Variants in PPFIA2 observed in about 807,000 individuals in gnomAD.
PPFIA2 encodes the protein liprin-alpha-2.
In PPFIA2, 46 loss-of-function variants were observed where a neutral mutation model predicts 175.5. The observed-to-expected ratio is 0.26, with a 90% confidence interval of 0.21 to 0.34. The LOEUF (loss-of-function observed/expected upper bound fraction) is 0.34, where lower values mean the gene tolerates loss of function less well. PPFIA2 is among the 10% of genes least tolerant of loss of function. PPFIA2 has a pLI of 1.00. For synonymous variants in PPFIA2, 568 were observed against 511.4 expected, an observed-to-expected ratio of 1.11 and a Z score of -1.49; for missense variants, 1,179 against 1,506.1, an observed-to-expected ratio of 0.78 and a Z score of 3.60.
At position 81,362,701 on chromosome 12, in the gene PPFIA2, T is replaced by G; in HGVS notation, c.1629A>C (p.Thr543=). The change falls in exon 15 of 33, where the codon ACA becomes ACC. Residue 543 remains threonine (T), a synonymous_variant. Transcript: ENST00000549396. ...TTTTAGTTTAATGTTACCTTGGTAT[T>G]GTGGGTTCAATTAAAGAGCCAGTTC... ...KMRTGSLIEP[T]IPRTHLDTSA... 1.9e-6 allele frequency: 3 copies of G among 1,542,842 alleles called. No individual in the cohort carries two copies. The highest frequency in any genetic ancestry group is 2.6e-6 in the Non-Finnish European group (3 of 1,139,794).
intron 4 of PPFIA2, among the ~76,000 whole-genome samples, chr12:81,623,500 G>A (rs2062315689): frequency 6.6e-6 from 1 of 151,974 alleles, no homozygotes; most frequent in African/African-American, 2.4e-5. Flanking sequence ...ACTGAAAGAT[G>A]TATCACTAGT....
intron 4 of PPFIA2, chr12:81,512,530 A>T: frequency 5.4e-6 from 2 of 370,452 alleles, no homozygotes; most frequent in East Asian, 9.2e-5. Context: ...TAATTTCTAA[A>T]CTTTTTATTG....
At chr12:81,422,275 CTA>C (rs2046416428) in intron 7 of PPFIA2, among the ~76,000 whole-genome samples, 1 of 151,420 alleles carries the variant, frequency 6.6e-6, no homozygotes, top group South Asian at 2.1e-4. Context: ...AGAATTGTGT[CTA>C]TATTATTGGA....
At chr12:81,273,329 C>A (rs990515733) in intron 28 of PPFIA2, among the ~76,000 whole-genome samples, 2 of 151,988 alleles carry the variant, frequency 1.3e-5, no homozygotes, top group Admixed American at 1.3e-4. Context: ...ACCACCACCC[C>A]ACTCCGTTCC....
At chr12:81,484,047 A>C (rs1228981539) in intron 4 of PPFIA2, among the ~76,000 whole-genome samples, 3 of 151,956 alleles carry the variant, frequency 2.0e-5, no homozygotes, top group Non-Finnish European at 4.4e-5. Context: ...CTGTATTCTT[A>C]AAGGACACTG....
At position 81,384,214 on chromosome 12, in the gene PPFIA2, C is replaced by T. The variant is rs200667643; in HGVS notation, c.793G>A (p.Asp265Asn). 3.2e-5 allele frequency: 51 copies of T among 1,599,654 alleles called. No homozygotes were observed. Among genetic ancestry groups the T allele is most frequent in the African/African-American group, 8.0e-5 (6 of 74,664 alleles). Residue 265 changes from aspartate (D) to asparagine (N), a missense_variant, in exon 9 of 33, where the codon GAT becomes AAT. Coordinates refer to ENST00000549396, the MANE Select transcript of PPFIA2 (RefSeq NM_003625.5). ...RLSNGSIDST[D>N]ETSQIVELQE... ...AGTTCAACTATTTGACTAGTTTCAT[C>T]GGTTGAGTCTATAGAACCATTGGAC...
chr12:81,425,901 T>C (rs1394767864), intron 7 of PPFIA2, among the ~76,000 whole-genome samples: 3 of 152,232 alleles, frequency 2.0e-5, no homozygotes, highest in African/African-American at 7.2e-5. Context: ...GTAAAAATAT[T>C]CAATTAAAAA....
chr12:81,716,976 A>C (rs1309799737), intron 3 of PPFIA2, among the ~76,000 whole-genome samples: 3 of 151,680 alleles, frequency 2.0e-5, no homozygotes, highest in Non-Finnish European at 4.4e-5. Context: ...GTATGGCATC[A>C]TAGGCCTTGT....
At chr12:81,362,003 A>G (rs1266849468) in intron 15 of PPFIA2, among the ~76,000 whole-genome samples, 2 of 123,846 alleles carry the variant, frequency 1.6e-5, no homozygotes, top group Non-Finnish European at 3.4e-5. Flanking sequence ...CTATGTATCT[A>G]TGTATCTATC....
At chr12:81,587,951 G>C (rs2075520915) in intron 4 of PPFIA2, among the ~76,000 whole-genome samples, 1 of 151,916 alleles carries the variant, frequency 6.6e-6, no homozygotes, top group Non-Finnish European at 1.5e-5. Flanking sequence ...AAAAAGCATA[G>C]AAACTTTCTA....
intron 4 of PPFIA2, among the ~76,000 whole-genome samples, chr12:81,531,307 C>T (rs969571081): frequency 6.6e-6 from 1 of 151,724 alleles, no homozygotes; most frequent in Non-Finnish European, 1.5e-5. Flanking sequence ...AATATCCCTG[C>T]CCTTCAGAAA....
In PPFIA2 at chr12:81,448,112, T is replaced by C. The variant is rs184769381; in HGVS notation, c.406-2392A>G. On this transcript the variant is annotated intron_variant, in intron 5 of 32. Transcript: ENST00000549396. ...CAGTGTAAGATTTAGAAATATAAAA[T>C]ATCCACCCTCTAGGAAAAGAAACAC... is the stretch of plus-strand genomic sequence containing the variant. Among the ~76,000 whole-genome samples the C allele has an allele frequency of 4.9e-4, 75 of 152,194 alleles. 1 individual carries two copies. The highest frequency in any genetic ancestry group is 1.8e-3 in the African/African-American group (74 of 41,506).
intron 3 of PPFIA2, among the ~76,000 whole-genome samples, chr12:81,678,674 T>C (rs2073040567): frequency 6.6e-6 from 1 of 151,868 alleles, no homozygotes; most frequent in Admixed American, 6.6e-5. Context: ...CAAAAATTGC[T>C]TCAAATATTG....
chr12:81,317,662 C>T (rs200732361), intron 22 of PPFIA2, among the ~76,000 whole-genome samples: 2 of 151,664 alleles, frequency 1.3e-5, no homozygotes, highest in East Asian at 1.9e-4. Context: ...ACTCCTATTA[C>T]ATTTTCTCAG....
intron 7 of PPFIA2, chr12:81,430,507 C>CA (rs1457686593): frequency 6.6e-6 from 1 of 150,664 alleles, no homozygotes; most frequent in Non-Finnish European, 1.5e-5. Context: ...TGAACACCTC[C>CA]AATCTTTATG....
intron 17 of PPFIA2, among the ~76,000 whole-genome samples, chr12:81,352,450 C>G (rs1407654721): frequency 6.6e-6 from 1 of 151,434 alleles, no homozygotes; most frequent in Non-Finnish European, 1.5e-5. Flanking sequence ...CTCTCTCCCC[C>G]CACTGTCTTT....
chr12:81,477,644 G>A (rs1234092876), intron 4 of PPFIA2, among the ~76,000 whole-genome samples: 2 of 152,096 alleles, frequency 1.3e-5, no homozygotes, highest in African/African-American at 4.8e-5. Context: ...GGCCTTTTCT[G>A]CTTCTATTGA....
At chr12:81,385,150 C>T (rs182802036) in intron 8 of PPFIA2, among the ~76,000 whole-genome samples, 27 of 152,176 alleles carry the variant, frequency 1.8e-4, no homozygotes, top group South Asian at 4.1e-4. Context: ...ATTAAAACCA[C>T]GATGAGATAT....
At chr12:81,450,488 TG>T (rs1276364665) in intron 5 of PPFIA2, among the ~76,000 whole-genome samples, 2 of 152,194 alleles carry the variant, frequency 1.3e-5, no homozygotes, top group Non-Finnish European at 2.9e-5. Context: ...TAGGGTTGTT[TG>T]TTTTTTTTCT....
Sources: gnomAD v4.1 joint callset for allele counts (sites outside exome capture counted in the v4.1 genomes callset) on GRCh38, gnomAD v4.1.1 for gene constraint, MANE v1.5 for transcripts, NCBI Gene and HGNC (gene_info 2026-07-23, HGNC 2026-07-21) for gene names.